CRPPA: variants seen among roughly 807,000 people sequenced by gnomAD.
The protein encoded by CRPPA is CDP-L-ribitol pyrophosphorylase A, also known as D-ribitol-5-phosphate cytidylyltransferase.
In CRPPA, 43 loss-of-function variants were observed where a neutral mutation model predicts 52.0. The observed-to-expected ratio is 0.83, with a 90% CI of 0.65 to 1.07. The LOEUF (loss-of-function observed/expected upper bound fraction) is 1.07, where lower values mean the gene tolerates loss of function less well. CRPPA is among the 50% of genes least tolerant of loss of function. The pLI is 0.00. For missense variants in CRPPA, 629 were observed against 551.7 expected (o/e 1.14, Z -1.40); for synonymous variants, 250 against 203.5 (o/e 1.23, Z -1.94).
chr7:16,129,660 T>C (rs1265733082), intron 9 of CRPPA, among the ~76,000 whole-genome samples: 2 of 152,132 alleles, frequency 1.3e-5, no homozygotes, highest in Admixed American at 1.3e-4. Context: ...ACATATTTTA[T>C]TGTCAAGGAG....
intron 6 of CRPPA, among the ~76,000 whole-genome samples, chr7:16,264,805 T>C (rs976261098): frequency 1.3e-5 from 2 of 152,196 alleles, no homozygotes; most frequent in East Asian, 1.9e-4. Flanking sequence ...TACTATTTCT[T>C]AGAATAAGCT....
chr7:16,187,586 G>A lies in CRPPA; in HGVS notation c.1251+28480C>T, dbSNP rs116517728. Among the ~76,000 whole-genome samples the A allele has an allele frequency of 5.6e-3, 858 of 152,246 alleles. 11 individuals carry two copies. Among genetic ancestry groups the A allele is most frequent in the African/African-American group, 0.02 (818 of 41,544 alleles). On this transcript the variant is annotated intron_variant, in intron 9 of 9. Coordinates refer to ENST00000407010, the MANE Select transcript of CRPPA (RefSeq NM_001101426.4). ...GGCAACTCAAGAGTTTCTCAACAAA[G>A]AGCATGTATCGACAATGTGTATAAC...
At chr7:16,117,899 C>A (rs1030589649) in intron 9 of CRPPA, among the ~76,000 whole-genome samples, 1 of 152,194 alleles carries the variant, frequency 6.6e-6, no homozygotes, top group African/African-American at 2.4e-5. Context: ...TACTTCCCCA[C>A]CTTTGAGTCC....
chr7:16,323,841 C>A (rs1330252587), intron 3 of CRPPA, among the ~76,000 whole-genome samples: 1 of 152,126 alleles, frequency 6.6e-6, no homozygotes, highest in Non-Finnish European at 1.5e-5. Context: ...AAAAGCACAT[C>A]ACACAAATAT....
rs1784937356 is a variant in CRPPA, at chr7:16,307,514, T to A, written c.789+1009A>T. On this transcript the variant is annotated intron_variant, in intron 4 of 9. Transcript: ENST00000407010. ...CTGGCCAACATGGTGAAACCCCGTC[T>A]CTACTAAAAATACAAAAATTAGCCG... Among the ~76,000 whole-genome samples, 3 of 151,552 alleles carry A rather than the reference T, an allele frequency of 2.0e-5. No individual in the cohort carries two copies. The South Asian group carries it at 6.3e-4, about 32-fold the overall frequency.
intron 2 of CRPPA, among the ~76,000 whole-genome samples, chr7:16,376,542 G>A (rs1786893314): frequency 6.6e-6 from 1 of 152,060 alleles, no homozygotes; most frequent in Admixed American, 6.5e-5. Context: ...CCAATTGGGT[G>A]TTCCCTAAAG....
At chr7:16,235,725 T>C (rs1234766408) in intron 8 of CRPPA, among the ~76,000 whole-genome samples, 1 of 152,120 alleles carries the variant, frequency 6.6e-6, no homozygotes, top group Non-Finnish European at 1.5e-5. Context: ...TTCTTTAAAA[T>C]GAGAGCATTC....
intron 3 of CRPPA, among the ~76,000 whole-genome samples, chr7:16,330,869 T>C (rs1285524059): frequency 1.3e-5 from 2 of 152,016 alleles, no homozygotes; most frequent in Non-Finnish European, 2.9e-5. Context: ...GGAAACAAAA[T>C]ACCCAACTCC....
intron 9 of CRPPA, among the ~76,000 whole-genome samples, chr7:16,141,344 G>A (rs1431357628): frequency 1.3e-5 from 2 of 151,992 alleles, no homozygotes; most frequent in South Asian, 2.1e-4. Context: ...TCAACACTCA[G>A]CATCTGATTT....
intron 9 of CRPPA, among the ~76,000 whole-genome samples, chr7:16,137,963 C>A (rs1782793061): frequency 6.6e-6 from 1 of 151,998 alleles, no homozygotes; most frequent in Non-Finnish European, 1.5e-5. Flanking sequence ...TTCATTAAAA[C>A]CTAAGAAAAT....
At chr7:16,193,725 T>C (rs1416369399) in intron 9 of CRPPA, among the ~76,000 whole-genome samples, 2 of 152,086 alleles carry the variant, frequency 1.3e-5, no homozygotes, top group Admixed American at 6.6e-5. Context: ...CTCAGGCATA[T>C]ATATAAAAGT....
At chr7:16,237,530 T>A (rs981961209) in intron 8 of CRPPA, 1 of 152,114 alleles carries the variant, frequency 6.6e-6, no homozygotes, top group Admixed American at 6.6e-5. Flanking sequence ...ATTATGGGGG[T>A]TAACCATATA....
At chr7:16,202,243 CT>C (rs771677934) in intron 9 of CRPPA, among the ~76,000 whole-genome samples, 47 of 152,114 alleles carry the variant, frequency 3.1e-4, no homozygotes, top group Non-Finnish European at 5.0e-4. Flanking sequence ...AATTTATTAA[CT>C]TTTACCGCTA....
intron 9 of CRPPA, among the ~76,000 whole-genome samples, chr7:16,107,381 A>G (rs1267901220): frequency 6.6e-6 from 1 of 152,186 alleles, no homozygotes; most frequent in Non-Finnish European, 1.5e-5. Context: ...CATAAGAAAC[A>G]TATCACATAC....
intron 2 of CRPPA, among the ~76,000 whole-genome samples, chr7:16,380,929 T>C (rs866777999): frequency 5.8e-4 from 88 of 152,078 alleles, no homozygotes; most frequent in Middle Eastern, 6.8e-3. Flanking sequence ...TGTTGATCCT[T>C]TCAAAAAACC....
chr7:16,239,137 C>CA (rs35537101), intron 8 of CRPPA, among the ~76,000 whole-genome samples: 8 of 88,498 alleles, frequency 9.0e-5, no homozygotes, highest in Admixed American at 1.6e-4. Context: ...GACTCTGTCT[C>CA]AAAAAAAAAA....
intron 9 of CRPPA, among the ~76,000 whole-genome samples, chr7:16,185,328 C>T (rs369663496): frequency 3.3e-5 from 5 of 152,130 alleles, no homozygotes; most frequent in Non-Finnish European, 5.9e-5. Flanking sequence ...AAACCACCCA[C>T]ATGATTCCAT....
chr7:16,370,197 C>T (rs1353497794), intron 3 of CRPPA, among the ~76,000 whole-genome samples: 1 of 152,302 alleles, frequency 6.6e-6, no homozygotes, highest in East Asian at 1.9e-4. Flanking sequence ...GATATAATCT[C>T]AAGTGGGGAT....
intron 1 of CRPPA, among the ~76,000 whole-genome samples, chr7:16,420,274 G>C (rs1162401431): frequency 2.0e-5 from 3 of 152,200 alleles, no homozygotes; most frequent in Non-Finnish European, 4.4e-5. Context: ...AAACACCTTA[G>C]CAAAATTATG....
Sources: allele counts gnomAD v4.1 joint callset (sites outside exome capture counted in the v4.1 genomes callset), GRCh38; gene constraint gnomAD v4.1.1; transcripts MANE v1.5; gene names NCBI Gene and HGNC (gene_info 2026-07-23, HGNC 2026-07-21).